KLF8: variants seen among roughly 807,000 people sequenced by gnomAD.
KLF8 encodes Krueppel-like factor 8.
Under a neutral mutation model 18.2 loss-of-function variants are expected in KLF8, and 10 were observed. That is an observed-to-expected ratio of 0.55 (90% confidence interval 0.34 to 0.93). The LOEUF (loss-of-function observed/expected upper bound fraction) is 0.93, where lower values mean the gene tolerates loss of function less well. Among genes scored for constraint, KLF8 ranks in the 40% least tolerant of loss-of-function variants. KLF8 has a pLI of 0.02. For synonymous variants in KLF8, 109 were observed against 97.3 expected (o/e 1.12, Z -0.71); for missense variants, 264 against 277.9 (o/e 0.95, Z 0.36).
chrX:56,004,907 G>A, the KLF8 span, among the ~76,000 whole-genome samples: 12 of 111,329 alleles, frequency 1.1e-4, no homozygotes, highest in African/African-American at 3.9e-4. Context: ...GGAGATTTCC[G>A]TGGGAATATA....
At chrX:56,060,296 A>T in the KLF8 span, among the ~76,000 whole-genome samples, 7 of 111,848 alleles carry the variant, frequency 6.3e-5, no homozygotes, top group African/African-American at 2.3e-4. Context: ...GCTTTTTCCC[A>T]TTCAGTATGA....
At chrX:56,194,322 C>A in the KLF8 span, among the ~76,000 whole-genome samples, 1 of 111,640 alleles carries the variant, frequency 9.0e-6, no homozygotes, top group African/African-American at 3.3e-5. Context: ...CAAAGGAAGC[C>A]ATGGCAGACT....
the KLF8 span, among the ~76,000 whole-genome samples, chrX:56,142,142 AG>A: frequency 2.1e-4 from 23 of 111,478 alleles, no homozygotes; most frequent in African/African-American, 7.5e-4. Flanking sequence ...GAACCTATGA[AG>A]TAAACCATTA....
chrX:56,055,922 A>T, the KLF8 span, among the ~76,000 whole-genome samples: 3 of 111,684 alleles, frequency 2.7e-5, no homozygotes, highest in South Asian at 1.1e-3. Context: ...TAGTTCAGTT[A>T]TATTTCTTTC....
the KLF8 span, among the ~76,000 whole-genome samples, chrX:56,092,687 G>A: frequency 9.2e-6 from 1 of 109,158 alleles, no homozygotes; most frequent in Non-Finnish European, 1.9e-5. Context: ...GCCTGGAAAT[G>A]TATTTTGAAG....
the KLF8 span, among the ~76,000 whole-genome samples, chrX:56,069,584 C>T: frequency 3.6e-5 from 4 of 112,029 alleles, no homozygotes; most frequent in East Asian, 8.4e-4. Flanking sequence ...CCTGATCGAG[C>T]TTCTGGCCCA....
the KLF8 span, among the ~76,000 whole-genome samples, chrX:55,998,809 AT>A: frequency 5.7e-4 from 51 of 89,715 alleles, 1 homozygote; most frequent in Admixed American, 1.5e-3. Context: ...TGGTCTTTTA[AT>A]TTTTTTTTTT....
the KLF8 span, among the ~76,000 whole-genome samples, chrX:56,222,824 C>T: frequency 8.8e-6 from 1 of 113,081 alleles, no homozygotes; most frequent in Non-Finnish European, 1.9e-5. Flanking sequence ...CCGGGGCTAG[C>T]GGGGCTGGCC....
chrX:56,140,831 C>T, the KLF8 span, among the ~76,000 whole-genome samples: 1 of 106,758 alleles, frequency 9.4e-6, no homozygotes, highest in African/African-American at 3.5e-5. Context: ...AAATGCTATA[C>T]CAATTTCCAT....
intron 1 of KLF8, among the ~76,000 whole-genome samples, chrX:56,240,911 C>T (rs2066535587): frequency 9.0e-6 from 1 of 111,218 alleles, no homozygotes; most frequent in Admixed American, 9.6e-5. Context: ...TAAATATGTC[C>T]CATTAGAAAT....
the KLF8 span, among the ~76,000 whole-genome samples, chrX:56,204,309 G>T: frequency 8.9e-6 from 1 of 111,936 alleles, no homozygotes; most frequent in South Asian, 3.7e-4. Context: ...GTCAGTTCTA[G>T]TAGCTTTTTT....
At chrX:56,031,826 C>T in the KLF8 span, among the ~76,000 whole-genome samples, 2 of 111,272 alleles carry the variant, frequency 1.8e-5, no homozygotes, top group African/African-American at 6.5e-5. Context: ...ATCCGAGCTC[C>T]CCGAGTGCAC....
the KLF8 span, among the ~76,000 whole-genome samples, chrX:56,030,510 T>C: frequency 9.0e-5 from 10 of 111,392 alleles, no homozygotes; most frequent in African/African-American, 3.3e-4. Context: ...ATTTTTCCAA[T>C]TGAGGAAGTC....
the KLF8 span, among the ~76,000 whole-genome samples, chrX:56,011,782 T>C: frequency 2.7e-5 from 3 of 111,927 alleles, no homozygotes; most frequent in African/African-American, 9.7e-5. Context: ...ATATCACTAC[T>C]GATCCCACAG....
chrX:55,961,994 A>G, the KLF8 span: 2 of 163,060 alleles, frequency 1.2e-5, no homozygotes, highest in Non-Finnish European at 2.3e-5. Context: ...ATCAAAGAGC[A>G]TTAATTTTTG....
the KLF8 span, among the ~76,000 whole-genome samples, chrX:56,134,468 G>C: frequency 9.0e-6 from 1 of 111,288 alleles, no homozygotes; most frequent in South Asian, 3.7e-4. Flanking sequence ...CCACATCTAG[G>C]AGACTATATC....
chrX:56,080,068 A>G, the KLF8 span, among the ~76,000 whole-genome samples: 2 of 111,149 alleles, frequency 1.8e-5, no homozygotes, highest in African/African-American at 6.5e-5. Flanking sequence ...GGTTTCCTGA[A>G]TACAGCACCC....
chrX:56,079,185 C>T, the KLF8 span, among the ~76,000 whole-genome samples: 1 of 111,219 alleles, frequency 9.0e-6, no homozygotes, highest in African/African-American at 3.3e-5. Flanking sequence ...CTTCTGCTAG[C>T]TTTTGAATGT....
chrX:56,206,846 A>C, the KLF8 span, among the ~76,000 whole-genome samples: 1 of 112,692 alleles, frequency 8.9e-6, no homozygotes, highest in Non-Finnish European at 1.9e-5. Context: ...GCCCTAGCAG[A>C]GTTACATGAG....
Sources: allele counts gnomAD v4.1 joint callset (sites outside exome capture counted in the v4.1 genomes callset), GRCh38; gene constraint gnomAD v4.1.1; transcripts MANE v1.5; gene names NCBI Gene and HGNC (gene_info 2026-07-23, HGNC 2026-07-21).